Variants in PLEKHG7 observed in about 807,000 individuals in gnomAD.
PLEKHG7 encodes the protein pleckstrin homology domain-containing family G member 7.
Under a neutral mutation model 85.2 loss-of-function variants are expected in PLEKHG7, and 77 were observed. The observed-to-expected ratio is 0.90, with a 90% confidence interval of 0.75 to 1.09. The LOEUF (loss-of-function observed/expected upper bound fraction) is 1.09, where lower values mean the gene tolerates loss of function less well. PLEKHG7 is among the 50% of genes least tolerant of loss of function. The probability of loss-of-function intolerance (pLI) is 0.00; values close to 1 mark genes in which losing one functional copy is unlikely to be tolerated. For synonymous variants in PLEKHG7, 301 were observed against 302.4 expected (o/e 1.00, Z 0.05); for missense variants, 777 against 804.3 (o/e 0.97, Z 0.41).
At chr12:92,726,372 T>C (rs1162155342) in intron 3 of PLEKHG7, among the ~76,000 whole-genome samples, 2 of 152,198 alleles carry the variant, frequency 1.3e-5, no homozygotes, top group African/African-American at 4.8e-5. Flanking sequence ...CTCTCAACTT[T>C]CCAGGCAATT....
intron 3 of PLEKHG7, among the ~76,000 whole-genome samples, chr12:92,714,139 G>T (rs1871419369): frequency 6.6e-6 from 1 of 152,200 alleles, no homozygotes; most frequent in Non-Finnish European, 1.5e-5. Context: ...AGGCAAACAA[G>T]GTTGTTGGGG....
chr12:92,704,793 G>A (rs953949197), intron 1 of PLEKHG7, among the ~76,000 whole-genome samples: 1 of 152,162 alleles, frequency 6.6e-6, no homozygotes, highest in Non-Finnish European at 1.5e-5. Flanking sequence ...GCCCAGGCTG[G>A]TCTTGAACTT....
chr12:92,749,897 AT>A (rs1392500422), intron 10 of PLEKHG7, among the ~76,000 whole-genome samples: 14 of 130,794 alleles, frequency 1.1e-4, no homozygotes, highest in African/African-American at 4.0e-4. Flanking sequence ...ATTTTATTTT[AT>A]TTTATTTCAT....
chr12:92,757,086 A>G (rs894141631), intron 13 of PLEKHG7, among the ~76,000 whole-genome samples: 2 of 152,238 alleles, frequency 1.3e-5, no homozygotes, highest in Non-Finnish European at 2.9e-5. Flanking sequence ...AGTTTCTAGC[A>G]GAGTACATAG....
chr12:92,720,473 G>A (rs933038894), intron 3 of PLEKHG7, among the ~76,000 whole-genome samples: 3 of 152,098 alleles, frequency 2.0e-5, no homozygotes. Context: ...CTACAGGCGT[G>A]CGCCACCACA....
At chr12:92,715,873 C>G (rs1871472651) in intron 3 of PLEKHG7, among the ~76,000 whole-genome samples, 1 of 152,110 alleles carries the variant, frequency 6.6e-6, no homozygotes, top group African/African-American at 2.4e-5. Flanking sequence ...ATTGTAATGG[C>G]AGAATTGCAA....
intron 3 of PLEKHG7, among the ~76,000 whole-genome samples, chr12:92,720,244 G>C (rs1041479392): frequency 1.3e-5 from 2 of 152,014 alleles, no homozygotes; most frequent in Non-Finnish European, 2.9e-5. Flanking sequence ...TCATTGGCTT[G>C]TGGCTGCCTC....
At position 92,771,726 on chromosome 12, in the gene PLEKHG7, TTAGATA is replaced by T. The variant is rs991303996; in HGVS notation, c.*1534_*1539del. The T allele has an allele frequency of 2.0e-5, 3 of 151,978 alleles. No homozygotes were observed. Among genetic ancestry groups the T allele is most frequent in the African/African-American group, 7.2e-5 (3 of 41,398 alleles). The allele number at this position is 151,978 out of a possible 1,614,324, so 9.4% of individuals were successfully genotyped here. ...ACATTAACAATCATCTTGCAAATGTTTAGATATAAACTAACCTCGGAGGTGAGCAGT... is the reference window on the plus strand; with the variant it reads ...ACATTAACAATCATCTTGCAAATGTTTAAACTAACCTCGGAGGTGAGCAGT... On this transcript the variant is annotated 3_prime_UTR_variant, in exon 17 of 17. Transcript: ENST00000344636.
At chr12:92,719,758 T>G (rs1047870646) in intron 3 of PLEKHG7, among the ~76,000 whole-genome samples, 2 of 152,200 alleles carry the variant, frequency 1.3e-5, no homozygotes, top group African/African-American at 4.8e-5. Context: ...CTTTTAAAAA[T>G]GTAAGTGATC....
intron 2 of PLEKHG7, 30 bp downstream of exon 2, chr12:92,707,168 A>C: frequency 1.3e-6 from 2 of 1,585,748 alleles, no homozygotes; most frequent in Non-Finnish European, 8.6e-7. Context: ...CCGGCCTCTC[A>C]GTTGCTGAAC....
chr12:92,770,081 T>C lies in PLEKHG7; in HGVS notation c.1969-7T>C. ...CTATTTATGTATTTTTTTCTTTTTT[T>C]CAACAGAAAACATGGATGGCACAAA... On this transcript the variant is annotated splice_polypyrimidine_tract_variant and splice_region_variant and intron_variant, in intron 16 of 16. Coordinates refer to ENST00000344636, the MANE Select transcript of PLEKHG7 (RefSeq NM_001377329.1). 1 of 1,562,256 alleles carries C rather than the reference T, an allele frequency of 6.4e-7. No homozygotes were observed. The highest frequency in any genetic ancestry group is 8.7e-7 in the Non-Finnish European group (1 of 1,153,810).
intron 3 of PLEKHG7, among the ~76,000 whole-genome samples, chr12:92,722,319 C>T (rs557272268): frequency 6.6e-6 from 1 of 152,280 alleles, no homozygotes; most frequent in Admixed American, 6.5e-5. Context: ...ATCCATGTCT[C>T]TTCATGTTAC....
At chr12:92,754,314 C>G in intron 11 of PLEKHG7, 50 bp downstream of exon 11, 1 of 1,561,262 alleles carries the variant, frequency 6.4e-7, no homozygotes, top group African/African-American at 1.4e-5. Flanking sequence ...GGCCTTGTGA[C>G]TCCTGGAAAC....
intron 10 of PLEKHG7, among the ~76,000 whole-genome samples, chr12:92,752,374 G>C (rs1872714632): frequency 6.6e-6 from 1 of 152,158 alleles, no homozygotes; most frequent in Non-Finnish European, 1.5e-5. Context: ...ATGTTGTTCA[G>C]GGAAGAAACA....
At chr12:92,750,427 T>G (rs548717505) in intron 10 of PLEKHG7, among the ~76,000 whole-genome samples, 6 of 152,338 alleles carry the variant, frequency 3.9e-5, no homozygotes, top group Non-Finnish European at 7.3e-5. Flanking sequence ...CATCCCTGCC[T>G]GGATCCTTCT....
rs567993035 is a variant in PLEKHG7, at chr12:92,741,832, A to G, written c.1137+240A>G. 5.3e-5 allele frequency among the ~76,000 whole-genome samples: 8 copies of G among 152,360 alleles called. No individual in the cohort carries two copies. The South Asian group carries it at 1.2e-3, about 24-fold the overall frequency. ...AACACAGAAATCTGCATGCATAGAA[A>G]AGCCATTTCCAATTCTGTTTTTTAA... On this transcript the variant is annotated intron_variant, in intron 9 of 16. Coordinates refer to ENST00000344636, the MANE Select transcript of PLEKHG7 (RefSeq NM_001377329.1).
intron 3 of PLEKHG7, among the ~76,000 whole-genome samples, chr12:92,716,929 G>A (rs1365523785): frequency 6.6e-6 from 1 of 152,276 alleles, no homozygotes; most frequent in Non-Finnish European, 1.5e-5. Context: ...TTGGATTACC[G>A]TTCCACTTAT....
rs1042476754 is a variant in PLEKHG7, at chr12:92,770,614, TC to T, written c.*420del. 1.2e-5 allele frequency: 2 copies of T among 162,904 alleles called. No individual in the cohort carries two copies. The highest frequency in any genetic ancestry group is 4.8e-5 in the African/African-American group (2 of 41,552). 10.1% of individuals were successfully genotyped at this position (162,904 alleles called of 1,614,324 possible). A position where few individuals can be genotyped will look rare whatever the true frequency, so the allele number is the denominator to read the frequency against. ...GAAACCAATTTTCCTTCATGGCCTG[TC>T]AATCAGTCTTAACCGCTTTATAGTC... On this transcript the variant is annotated 3_prime_UTR_variant, in exon 17 of 17. Coordinates refer to ENST00000344636, the MANE Select transcript of PLEKHG7 (RefSeq NM_001377329.1).
chr12:92,705,487 T>C (rs1871206233), intron 1 of PLEKHG7, among the ~76,000 whole-genome samples: 1 of 152,402 alleles, frequency 6.6e-6, no homozygotes, highest in African/African-American at 2.4e-5. Context: ...GGGTTTCAGA[T>C]TGCTGAGTTC....
Sources: allele counts gnomAD v4.1 joint callset (sites outside exome capture counted in the v4.1 genomes callset), GRCh38; gene constraint gnomAD v4.1.1; transcripts MANE v1.5; gene names NCBI Gene and HGNC (gene_info 2026-07-23, HGNC 2026-07-21).